Variants in SHC3 observed in about 807,000 individuals in gnomAD.
SHC3 encodes SHC-transforming protein 3.
SHC3 carries 15 observed loss-of-function variants against 60.4 expected under a neutral mutation model. The ratio of observed to expected loss-of-function variants is 0.25; its 90% CI spans 0.17 to 0.38. SHC3 has a LOEUF of 0.38. Among genes scored for constraint, SHC3 ranks in the 10% least tolerant of loss-of-function variants. The probability of loss-of-function intolerance (pLI) is 1.00; values close to 1 mark genes in which losing one functional copy is unlikely to be tolerated. For missense variants in SHC3, 677 were observed against 786.1 expected (o/e 0.86, Z 1.66); for synonymous variants, 294 against 325.9 (o/e 0.90, Z 1.05).
At chr9:89,147,704 G>C (rs971546620) in intron 1 of SHC3, among the ~76,000 whole-genome samples, 15 of 152,002 alleles carry the variant, frequency 9.9e-5, no homozygotes, top group African/African-American at 3.6e-4. Context: ...ACACCAAAAA[G>C]GTAGGCACCG....
chr9:89,106,536 A>T (rs1825862451), intron 2 of SHC3, among the ~76,000 whole-genome samples: 1 of 152,148 alleles, frequency 6.6e-6, no homozygotes, highest in African/African-American at 2.4e-5. Context: ...ACTGTCCTTC[A>T]GTAGTGAGGG....
rs1477662628 is a variant in SHC3 at position 89,038,084 on chromosome 9, C to T, written c.1565G>A (p.Arg522Lys). The change falls in exon 11 of 12, where the codon AGG becomes AAG. Residue 522 changes from arginine (R) to lysine (K), a missense_variant. Arg to Lys is a conservative substitution (Grantham distance 26, BLOSUM62 2). Transcript: ENST00000375835. The stretch of plus-strand genomic sequence containing the variant: ...GGAGCCCGGGTTGGTGGTGCTCTTC[C>T]TGACCAGGAAGTCTCCGTCTTTCTC... ...LLEKDGDFLV[R>K]KSTTNPGSFV... 3 of 1,614,156 alleles carry T rather than the reference C, an allele frequency of 1.9e-6. No individual in the cohort carries two copies. Among genetic ancestry groups the T allele is most frequent in the Non-Finnish European group, 2.5e-6 (3 of 1,180,034 alleles).
intron 2 of SHC3, among the ~76,000 whole-genome samples, chr9:89,107,600 T>C (rs1367861907): frequency 2.0e-5 from 3 of 152,220 alleles, no homozygotes; most frequent in Admixed American, 2.0e-4. Flanking sequence ...CTCACCCCTC[T>C]GCAGGTGCAG....
chr9:89,043,652 AT>A (rs112865716), intron 9 of SHC3, among the ~76,000 whole-genome samples: 1,758 of 147,194 alleles, frequency 0.012, 20 homozygotes, highest in African/African-American at 0.037. Context: ...ATATTTATTT[AT>A]TTTTTTTTTT....
chr9:89,038,347 A>G (rs1465515904), intron 10 of SHC3, 59 bp from the exon 11 acceptor site: 6 of 995,080 alleles, frequency 6.0e-6, no homozygotes, highest in East Asian at 1.0e-4. Flanking sequence ...AATGATAAAA[A>G]AAAAAAAAAA....
intron 2 of SHC3, among the ~76,000 whole-genome samples, chr9:89,104,371 T>A (rs766704435): frequency 6.6e-6 from 1 of 152,328 alleles, no homozygotes; most frequent in East Asian, 1.9e-4. Flanking sequence ...ATCACAAAAC[T>A]CTGTGGGGTC....
intron 10 of SHC3, 53 bp downstream of exon 10, chr9:89,041,973 G>T (rs1042227196): frequency 4.4e-6 from 7 of 1,605,218 alleles, no homozygotes; most frequent in Admixed American, 1.7e-5. Context: ...ATAAAAGGCA[G>T]GATAAAAAGC....
intron 2 of SHC3, among the ~76,000 whole-genome samples, chr9:89,090,887 T>C (rs1825611470): frequency 6.6e-6 from 1 of 152,146 alleles, no homozygotes; most frequent in Admixed American, 6.5e-5. Context: ...CTTTTCCCTC[T>C]AATAGAAATG....
At chr9:89,169,960 G>A (rs993045497) in intron 1 of SHC3, among the ~76,000 whole-genome samples, 7 of 152,096 alleles carry the variant, frequency 4.6e-5, no homozygotes, top group South Asian at 2.1e-4. Context: ...AGTGTGAGGC[G>A]GGTTAGGCTC....
At chr9:89,030,439 T>C (rs1211749533) in intron 11 of SHC3, among the ~76,000 whole-genome samples, 1 of 152,214 alleles carries the variant, frequency 6.6e-6, no homozygotes, top group African/African-American at 2.4e-5. Flanking sequence ...ACCTATTTGA[T>C]ACTTAGGTAA....
intron 5 of SHC3, among the ~76,000 whole-genome samples, chr9:89,070,389 C>T (rs1825251469): frequency 6.6e-6 from 1 of 152,208 alleles, no homozygotes; most frequent in African/African-American, 2.4e-5. Flanking sequence ...CTCTGTGCCT[C>T]ACTCCTTTGT....
Position 89,010,639 on chromosome 9 carries a change from G to T in SHC3, c.*2808C>A. ...TGCAGGACCAGGGTGGCCCAGCACAGCAGCAGCGACTGTGCCCTGGAAGCC... is the reference window on the plus strand; with the variant it reads ...TGCAGGACCAGGGTGGCCCAGCACATCAGCAGCGACTGTGCCCTGGAAGCC... On this transcript the variant is annotated 3_prime_UTR_variant, in exon 12 of 12. Coordinates refer to ENST00000375835, the MANE Select transcript of SHC3 (RefSeq NM_016848.6). 1 of 152,550 alleles carries T rather than the reference G, an allele frequency of 6.6e-6. No individual in the cohort carries two copies. The highest frequency in any genetic ancestry group is 1.5e-5 in the Non-Finnish European group (1 of 68,188). The allele number at this position is 152,550 out of a possible 1,614,324, so 9.4% of individuals were successfully genotyped here. A position where few individuals can be genotyped will look rare whatever the true frequency, so the allele number is the denominator to read the frequency against.
chr9:89,104,569 A>G (rs1203637069), intron 2 of SHC3, among the ~76,000 whole-genome samples: 2 of 152,196 alleles, frequency 1.3e-5, no homozygotes, highest in Non-Finnish European at 2.9e-5. Flanking sequence ...AACCAACCTG[A>G]TGGATTCTTA....
At chr9:89,025,833 G>A (rs1564081111) in intron 11 of SHC3, among the ~76,000 whole-genome samples, 1 of 152,204 alleles carries the variant, frequency 6.6e-6, no homozygotes, top group Non-Finnish European at 1.5e-5. Flanking sequence ...AAATGGCCCT[G>A]CAAAGCTGTC....
chr9:89,084,273 T>C (rs532559299), intron 2 of SHC3, among the ~76,000 whole-genome samples: 1 of 152,338 alleles, frequency 6.6e-6, no homozygotes, highest in South Asian at 2.1e-4. Context: ...GCCTTTGGTT[T>C]ACTCCAGAAA....
chr9:89,113,879 T>C (rs913689164), intron 1 of SHC3, among the ~76,000 whole-genome samples: 8 of 152,184 alleles, frequency 5.3e-5, no homozygotes, highest in East Asian at 1.9e-4. Flanking sequence ...CAGAGAAATA[T>C]GAATTAGGCT....
chr9:89,057,492 T>C lies in SHC3; in HGVS notation c.836-5329A>G, dbSNP rs116274763. Among the ~76,000 whole-genome samples, 458 of 152,152 alleles carry C rather than the reference T, an allele frequency of 3.0e-3. 2 individuals are homozygous for C. The highest frequency in any genetic ancestry group is 0.01 in the African/African-American group (434 of 41,518). On this transcript the variant is annotated intron_variant, in intron 6 of 11. Coordinates refer to ENST00000375835, the MANE Select transcript of SHC3 (RefSeq NM_016848.6). Reference sequence around the variant, plus strand: ...GAATTTAAAAGTCTAAAAATGCCAATTGTTGAATAAAAGGAGACTTCATAT... The same window carrying C: ...GAATTTAAAAGTCTAAAAATGCCAACTGTTGAATAAAAGGAGACTTCATAT...
intron 1 of SHC3, among the ~76,000 whole-genome samples, chr9:89,153,294 C>CAGAATAA: frequency 6.6e-6 from 1 of 152,290 alleles, no homozygotes; most frequent in Non-Finnish European, 1.5e-5. Flanking sequence ...GCAATCCCCC[C>CAGAATAA]AGAATAACTT....
chr9:89,065,642 G>A (rs1272163594), intron 5 of SHC3, 62 bp from the exon 6 acceptor site: 4 of 1,530,368 alleles, frequency 2.6e-6, no homozygotes, highest in Non-Finnish European at 3.6e-6. Context: ...CACAGTCAGG[G>A]ACACAGGGCA....
Sources: allele counts gnomAD v4.1 joint callset (sites outside exome capture counted in the v4.1 genomes callset), GRCh38; gene constraint gnomAD v4.1.1; transcripts MANE v1.5; gene names NCBI Gene and HGNC (gene_info 2026-07-23, HGNC 2026-07-21).